Variants in TCF3 observed in about 807,000 individuals in gnomAD.
TCF3 encodes transcription factor 3.
TCF3 carries 54 observed loss-of-function variants against 72.3 expected under a neutral mutation model. The ratio of observed to expected loss-of-function variants is 0.75; its 90% CI spans 0.60 to 0.94. The LOEUF is 0.94. TCF3 is among the 40% of genes least tolerant of loss of function. The pLI, the probability that TCF3 is intolerant of heterozygous loss-of-function variation, is 0.00. For missense variants in TCF3, 1,078 were observed against 934.4 expected (o/e 1.15, Z -2.00); for synonymous variants, 525 against 412.6 (o/e 1.27, Z -3.30).
chr19:1,617,920 G>A (rs1339764081), intron 16 of TCF3, among the ~76,000 whole-genome samples: 1 of 152,168 alleles, frequency 6.6e-6, no homozygotes, highest in Admixed American at 6.5e-5. Context: ...TCCCCTGGGG[G>A]CAGAGCCGCT....
intron 3 of TCF3, 41 bp downstream of exon 3, chr19:1,646,314 C>T (rs1181173331): frequency 6.5e-7 from 1 of 1,541,478 alleles, no homozygotes; most frequent in African/African-American, 1.4e-5. Flanking sequence ...GACCCTTGAT[C>T]TCCTCACTCC....
At chr19:1,652,006 C>T (rs559858162) in intron 1 of TCF3, among the ~76,000 whole-genome samples, 3 of 150,448 alleles carry the variant, frequency 2.0e-5, no homozygotes, top group Admixed American at 6.6e-5. Flanking sequence ...TTGCACAGCC[C>T]GTCCGGCGCC....
Position 1,638,978 on chromosome 19 carries a change from A to G in TCF3, c.146-6573T>C, listed in dbSNP as rs565582147. Among the ~76,000 whole-genome samples, 25 of 152,368 alleles carry G rather than the reference A, an allele frequency of 1.6e-4. No individual in the cohort carries two copies. The South Asian group carries it at 5.0e-3, about 30-fold the overall frequency. On this transcript the variant is annotated intron_variant, in intron 3 of 18. Coordinates refer to ENST00000262965, the MANE Select transcript of TCF3 (RefSeq NM_003200.5). The stretch of plus-strand genomic sequence containing the variant: ...ACTCAGGAGATACAACCAGGAGCAC[A>G]AAGATCTGCCAAGCCACACCAACAA...
At chr19:1,620,623 C>T (rs565694960) in intron 13 of TCF3, among the ~76,000 whole-genome samples, 1 of 152,326 alleles carries the variant, frequency 6.6e-6, no homozygotes, top group South Asian at 2.1e-4. Context: ...TTTGCCTGTG[C>T]TGTGACCTAA....
rs1038822432 is a variant in TCF3, at chr19:1,610,118, T to A, written c.*1589A>T. ...AGCTGGGAAGAGCTGGTTACCCTCATGGCAAAAGACCAGAAAAGGAGACCT... is the reference window on the plus strand; with the variant it reads ...AGCTGGGAAGAGCTGGTTACCCTCAAGGCAAAAGACCAGAAAAGGAGACCT... On this transcript the variant is annotated 3_prime_UTR_variant, in exon 19 of 19. Transcript: ENST00000262965. 8.6e-6 allele frequency: 2 copies of A among 232,230 alleles called. No individual in the cohort carries two copies. The highest frequency in any genetic ancestry group is 1.7e-5 in the Non-Finnish European group (2 of 117,548). 14.4% of individuals were successfully genotyped at this position (232,230 alleles called of 1,614,324 possible). A position where few individuals can be genotyped will look rare whatever the true frequency, so the allele number is the denominator to read the frequency against.
rs554229604 is a variant in TCF3 at position 1,617,114 on chromosome 19, G to C, written c.1451-1293C>G. ...CTACCCTTTCATACCCAGTCAGCTA[G>C]CAAAGTTGAGGGACCTGAACAGTCA... On this transcript the variant is annotated intron_variant, in intron 16 of 18. Transcript: ENST00000262965. Among the ~76,000 whole-genome samples, 24 of 152,380 alleles carry C rather than the reference G, an allele frequency of 1.6e-4. No homozygotes were observed. The East Asian group carries it at 4.2e-3, about 27-fold the overall frequency.
intron 18 of TCF3, among the ~76,000 whole-genome samples, chr19:1,613,653 C>G (rs1177777889): frequency 6.6e-6 from 1 of 152,166 alleles, no homozygotes; most frequent in Non-Finnish European, 1.5e-5. Context: ...AAACCCGGGA[C>G]TGGGGAGTCC....
At chr19:1,616,560 C>A (rs1289007971) in intron 16 of TCF3, 1 of 152,138 alleles carries the variant, frequency 6.6e-6, no homozygotes, top group East Asian at 1.9e-4. Flanking sequence ...CTTTATCATT[C>A]TCATTTTAGT....
intron 1 of TCF3, chr19:1,651,230 A>G (rs2066989113): frequency 8.8e-6 from 2 of 227,270 alleles, no homozygotes; most frequent in African/African-American, 2.2e-5. Context: ...TCCAGTCTCG[A>G]CTTTCCCCAG....
At position 1,620,988 on chromosome 19, in the gene TCF3, C is replaced by T. The variant is rs2146079523; in HGVS notation, c.1073G>A (p.Gly358Asp). 6.6e-7 allele frequency: 1 copy of T among 1,514,128 alleles called. No homozygotes were observed. 93.8% of individuals were successfully genotyped at this position (1,514,128 alleles called of 1,614,324 possible). A position where few individuals can be genotyped will look rare whatever the true frequency, so the allele number is the denominator to read the frequency against. ...NFSSSPSTPV[G>D]SPQGLAGTSQ... ...CAGACCTGCCAGGCCCTGGGGGGAG[C>T]CCACGGGGGTAGAAGGGCTGGACGA... The change falls in exon 13 of 19, where the codon GGC becomes GAC. Residue 358 changes from glycine (G) to aspartate (D), a missense_variant. By Grantham distance (94) the Gly-to-Asp change is moderately conservative. Transcript: ENST00000262965.
In TCF3 at chr19:1,646,375, C is replaced by A; in HGVS notation, c.125G>T (p.Gly42Val). ...CCTACCTGAACCTCCGAACTGCGCC[C>A]CGGCCAGGGAGGCGGGCCGGCCCTT... ...NGKGRPASLA[G>V]AQFGGSGLED... is the part of the protein sequence containing the mutation. The change falls in exon 3 of 19, where the codon GGG becomes GTG. Residue 42 changes from glycine (G) to valine (V), a missense_variant. By Grantham distance (109) the Gly-to-Val change is moderately radical. Coordinates refer to ENST00000262965, the MANE Select transcript of TCF3 (RefSeq NM_003200.5). 1.3e-6 allele frequency: 2 copies of A among 1,550,388 alleles called. No individual in the cohort carries two copies. Among genetic ancestry groups the A allele is most frequent in the Non-Finnish European group, 1.7e-6 (2 of 1,146,704 alleles).
At chr19:1,640,964 C>T (rs374173533) in intron 3 of TCF3, among the ~76,000 whole-genome samples, 1 of 152,110 alleles carries the variant, frequency 6.6e-6, no homozygotes, top group Non-Finnish European at 1.5e-5. Context: ...GCCTGGCCAA[C>T]GTGGCGAAAC....
In TCF3 at chr19:1,614,509, G is replaced by C. The variant is rs1054100052; in HGVS notation, c.1822+776C>G. ...GCAGACAGCAGAGAGGCGGGCTTGG[G>C]GGGCGCGAGGCGTGCCACACACGGC... On this transcript the variant is annotated intron_variant, in intron 18 of 18. Transcript: ENST00000262965. The surrounding 1 kb of genome is among the most constrained non-coding windows in gnomAD (Gnocchi z 5.6). Among the ~76,000 whole-genome samples, 2 of 152,182 alleles carry C rather than the reference G, an allele frequency of 1.3e-5. No homozygotes were observed. Among genetic ancestry groups the C allele is most frequent in the Non-Finnish European group, 2.9e-5 (2 of 68,016 alleles).
At chr19:1,617,928 G>A (rs988188721) in intron 16 of TCF3, among the ~76,000 whole-genome samples, 2 of 152,182 alleles carry the variant, frequency 1.3e-5, no homozygotes, top group Non-Finnish European at 1.5e-5. Context: ...GGGCAGAGCC[G>A]CTGCGGTGAG....
chr19:1,651,501 T>A (rs1392504916), intron 1 of TCF3: 1 of 223,296 alleles, frequency 4.5e-6, no homozygotes, highest in African/African-American at 2.2e-5. Flanking sequence ...CTGAAACCGA[T>A]TTTAAGACAG....
Position 1,621,186 on chromosome 19 carries a change from G to A in TCF3, c.961C>T (p.Arg321Ter), listed in dbSNP as rs1159477032. ...CCGGAGCTGCCAGCTGTGGTCCCTC[G>A]GGAGCCTGTGGGTGAAGAGAGGTGA... The part of the protein sequence containing the change: ...VSGADSLLGS[R>*]GTTAGSSGDA... The change falls in exon 12 of 19, where the codon CGA becomes TGA. Residue 321 changes from arginine to a stop codon, truncating the protein, a stop_gained. Transcript: ENST00000262965. LOFTEE classifies it high-confidence loss of function. 1.3e-6 allele frequency: 2 copies of A among 1,536,074 alleles called. No individual in the cohort carries two copies. Among genetic ancestry groups the A allele is most frequent in the Non-Finnish European group, 1.7e-6 (2 of 1,146,102 alleles).
chr19:1,627,526 G>A (rs1599717052), intron 5 of TCF3, 100 bp from the exon 6 acceptor site: 1 of 1,059,296 alleles, frequency 9.4e-7, no homozygotes, highest in South Asian at 1.4e-5. Context: ...CTCAGTAAGT[G>A]CACACGACTG....
At chr19:1,632,012 G>A in intron 5 of TCF3, 26 bp downstream of exon 5, 1 of 1,609,368 alleles carries the variant, frequency 6.2e-7, no homozygotes, top group South Asian at 1.1e-5. Context: ...GCACAGCAGA[G>A]GGACCGCACC....
rs1184248983 is a variant in TCF3 at position 1,615,156 on chromosome 19, C to A, written c.1822+129G>T. 26 of 1,120,514 alleles carry A rather than the reference C, an allele frequency of 2.3e-5. 1 individual carries two copies. In the East Asian group the frequency reaches 6.5e-4, roughly 28 times the overall value. The allele number at this position is 1,120,514 out of a possible 1,614,324, so 69.4% of individuals were successfully genotyped here. A position where few individuals can be genotyped will look rare whatever the true frequency, so the allele number is the denominator to read the frequency against. ...CGGTCAGAGGGGTGAAGGGCACAGT[C>A]ACTGCAAGGAGGCAACTGCTGCAGA... On this transcript the variant is annotated intron_variant, in intron 18 of 18. Coordinates refer to ENST00000262965, the MANE Select transcript of TCF3 (RefSeq NM_003200.5). The surrounding 1 kb of genome is among the most constrained non-coding windows in gnomAD (Gnocchi z 7.3).
Sources: gnomAD v4.1 joint callset for allele counts (sites outside exome capture counted in the v4.1 genomes callset) on GRCh38, gnomAD v4.1.1 for gene constraint, Gnocchi (gnomAD v3.1) non-coding constraint, MANE v1.5 for transcripts, NCBI Gene and HGNC (gene_info 2026-07-23, HGNC 2026-07-21) for gene names.